Variants in KHDRBS2 observed in about 807,000 individuals in gnomAD.
KHDRBS2 encodes KH domain-containing, RNA-binding, signal transduction-associated protein 2.
In KHDRBS2, 26 loss-of-function variants were observed where a neutral mutation model predicts 44.3. The ratio of observed to expected loss-of-function variants is 0.59; its 90% confidence interval spans 0.43 to 0.81. The LOEUF (loss-of-function observed/expected upper bound fraction) is 0.81, where lower values mean the gene tolerates loss of function less well. KHDRBS2 is among the 40% of genes least tolerant of loss of function. The pLI is 0.00. For synonymous variants in KHDRBS2, 194 were observed against 151.1 expected, an observed-to-expected ratio of 1.28 and a Z score of -2.08; for missense variants, 476 against 433.1, an observed-to-expected ratio of 1.10 and a Z score of -0.88.
chr6:61,574,486 A>C, the KHDRBS2 span: 1 of 1,147,628 alleles, frequency 8.7e-7, no homozygotes, highest in Non-Finnish European at 1.2e-6. Context: ...TAACCTACCA[A>C]ACCTGCATTA....
chr6:61,863,210 C>T (rs541749320), intron 6 of KHDRBS2, among the ~76,000 whole-genome samples: 1 of 147,766 alleles, frequency 6.8e-6, no homozygotes, highest in African/African-American at 2.5e-5. Context: ...GGTCTTTTTC[C>T]TTATTTTTTC....
chr6:61,788,269 G>A (rs944425262), intron 6 of KHDRBS2, among the ~76,000 whole-genome samples: 2 of 151,318 alleles, frequency 1.3e-5, no homozygotes, highest in Non-Finnish European at 3.0e-5. Flanking sequence ...GAAATATTGG[G>A]GAAGAAAAAT....
intron 6 of KHDRBS2, among the ~76,000 whole-genome samples, chr6:61,745,609 G>A (rs571064287): frequency 6.6e-6 from 1 of 152,082 alleles, no homozygotes; most frequent in African/African-American, 2.4e-5. Flanking sequence ...TGTTAATGCT[G>A]TCATGACTAA....
the KHDRBS2 span, among the ~76,000 whole-genome samples, chr6:61,576,455 C>G: frequency 6.6e-6 from 1 of 152,118 alleles, no homozygotes; most frequent in Non-Finnish European, 1.5e-5. Context: ...TTAATCAAAT[C>G]TAGGAGCCTT....
chr6:61,584,711 G>C, the KHDRBS2 span, among the ~76,000 whole-genome samples: 22 of 151,790 alleles, frequency 1.4e-4, no homozygotes, highest in Non-Finnish European at 2.5e-4. Flanking sequence ...CATACTTCTT[G>C]TTTAGTCATC....
At chr6:61,746,411 G>A (rs1408115022) in intron 6 of KHDRBS2, among the ~76,000 whole-genome samples, 1 of 152,008 alleles carries the variant, frequency 6.6e-6, no homozygotes, top group Non-Finnish European at 1.5e-5. Context: ...TGCTGTGTTT[G>A]GTTTTCTGTT....
chr6:61,647,334 T>G, the KHDRBS2 span, among the ~76,000 whole-genome samples: 4 of 152,124 alleles, frequency 2.6e-5, no homozygotes, highest in East Asian at 1.9e-4. Context: ...TGTTTTATAT[T>G]TCAAAGGAGG....
At chr6:62,216,773 G>T (rs568141298) in intron 1 of KHDRBS2, among the ~76,000 whole-genome samples, 1 of 149,468 alleles carries the variant, frequency 6.7e-6, no homozygotes, top group South Asian at 2.1e-4. Context: ...AGTAGACCAG[G>T]ATAGACTTTA....
intron 6 of KHDRBS2, among the ~76,000 whole-genome samples, chr6:61,771,030 T>C (rs996493223): frequency 5.3e-5 from 8 of 152,188 alleles, no homozygotes; most frequent in African/African-American, 7.2e-5. Context: ...GGGGCCAATA[T>C]TCAACATTCT....
intron 1 of KHDRBS2, among the ~76,000 whole-genome samples, chr6:62,256,430 G>A (rs1837403532): frequency 6.6e-6 from 1 of 151,906 alleles, no homozygotes; most frequent in Non-Finnish European, 1.5e-5. Context: ...TCTTTCCCTT[G>A]CTATTCTCAT....
intron 2 of KHDRBS2, among the ~76,000 whole-genome samples, chr6:62,113,011 C>A (rs1428661110): frequency 6.6e-6 from 1 of 152,014 alleles, no homozygotes; most frequent in Non-Finnish European, 1.5e-5. Context: ...TTAAAAGTAT[C>A]ATTTATGTAT....
At position 61,743,703 on chromosome 6, in the gene KHDRBS2, CA is replaced by C. The variant is rs368108544; in HGVS notation, c.811-10940del. On this transcript the variant is annotated intron_variant, in intron 6 of 8. Transcript: ENST00000281156. ...CGTGCAGGTTTGTTACATATGCATA[CA>C]TTTGCCATGTTGGTGTGCTGCACCC... Among the ~76,000 whole-genome samples, 63 of 151,940 alleles carry C rather than the reference CA, an allele frequency of 4.1e-4. No homozygotes were observed. In the East Asian group the frequency reaches 5.8e-3, roughly 14 times the overall value.
chr6:62,158,822 GC>G (rs1235366392), intron 2 of KHDRBS2, among the ~76,000 whole-genome samples: 1 of 150,798 alleles, frequency 6.6e-6, no homozygotes, highest in African/African-American at 2.4e-5. Flanking sequence ...TCATATTCTT[GC>G]TTTTTTTTTA....
intron 4 of KHDRBS2, among the ~76,000 whole-genome samples, chr6:61,925,229 G>A (rs1583538369): frequency 6.6e-6 from 1 of 152,002 alleles, no homozygotes; most frequent in South Asian, 2.1e-4. Context: ...GGAAAAATGT[G>A]TTCAATCCCT....
chr6:61,883,662 C>T (rs1234921269), intron 6 of KHDRBS2, among the ~76,000 whole-genome samples: 1 of 152,012 alleles, frequency 6.6e-6, no homozygotes, highest in East Asian at 1.9e-4. Flanking sequence ...AATATTTTAA[C>T]AGTATTTACA....
Position 62,057,902 on chromosome 6 carries a change from C to T in KHDRBS2, c.220-9908G>A, listed in dbSNP as rs535821116. Among the ~76,000 whole-genome samples the T allele has an allele frequency of 3.8e-4, 57 of 151,812 alleles. 1 individual carries two copies. In the South Asian group the frequency reaches 0.011, roughly 29 times the overall value. ...CAACAAAACATAATTGGTGGCAAAA[C>T]GAGTGATTATCATAAGTGTCAGGCC... is the stretch of plus-strand genomic sequence containing the variant. On this transcript the variant is annotated intron_variant, in intron 2 of 8. Coordinates refer to ENST00000281156, the MANE Select transcript of KHDRBS2 (RefSeq NM_152688.4).
intron 6 of KHDRBS2, among the ~76,000 whole-genome samples, chr6:61,812,509 G>A (rs1277043291): frequency 5.9e-5 from 9 of 151,870 alleles, no homozygotes; most frequent in African/African-American, 2.2e-4. Flanking sequence ...GTGAACCAAA[G>A]TCAAAGGTAA....
At chr6:62,221,185 G>A (rs1471548862) in intron 1 of KHDRBS2, among the ~76,000 whole-genome samples, 1 of 151,634 alleles carries the variant, frequency 6.6e-6, no homozygotes, top group Non-Finnish European at 1.5e-5. Flanking sequence ...AGGACATTAT[G>A]CTATGTGACA....
At chr6:62,266,066 G>A (rs1347168150) in intron 1 of KHDRBS2, among the ~76,000 whole-genome samples, 1 of 152,050 alleles carries the variant, frequency 6.6e-6, no homozygotes, top group Non-Finnish European at 1.5e-5. Flanking sequence ...TGATTTGGGG[G>A]TGGTGTGGGA....
Sources: gnomAD v4.1 joint callset for allele counts (sites outside exome capture counted in the v4.1 genomes callset) on GRCh38, gnomAD v4.1.1 for gene constraint, MANE v1.5 for transcripts, NCBI Gene and HGNC (gene_info 2026-07-23, HGNC 2026-07-21) for gene names.